The following ZNF236 variants were observed in gnomAD, a reference collection of about 807,000 sequenced individuals.
ZNF236 encodes the protein regulated by glucose.
In ZNF236, 50 loss-of-function variants were observed where a neutral mutation model predicts 191.2. That is an observed-to-expected ratio of 0.26 (90% CI 0.21 to 0.33). The LOEUF (loss-of-function observed/expected upper bound fraction) is 0.33, where lower values mean the gene tolerates loss of function less well. Ranked by LOEUF, ZNF236 falls within the 10% of genes least tolerant of loss-of-function variation. The pLI is 1.00. For missense variants in ZNF236, 1,754 were observed against 2,374.5 expected, an observed-to-expected ratio of 0.74 and a Z score of 5.43; for synonymous variants, 907 against 928.8, an observed-to-expected ratio of 0.98 and a Z score of 0.43.
At chr18:76,934,778 C>G (rs984446746) in intron 25 of ZNF236, among the ~76,000 whole-genome samples, 1 of 152,230 alleles carries the variant, frequency 6.6e-6, no homozygotes, top group African/African-American at 2.4e-5. Flanking sequence ...TGTTCTGCCG[C>G]CCCCACCTCC....
rs533259275 is a variant in ZNF236, at chr18:76,904,365, T to C, written c.1895-15T>C. 90 of 1,586,552 alleles carry C rather than the reference T, an allele frequency of 5.7e-5. No homozygotes were observed. In the South Asian group the frequency reaches 1.0e-3, roughly 19 times the overall value. On this transcript the variant is annotated splice_polypyrimidine_tract_variant and intron_variant, in intron 11 of 30. Coordinates refer to ENST00000320610, the MANE Select transcript of ZNF236 (RefSeq NM_001306089.2). ...ATTGACAGTGAATTACATCTGCTTTTCTTTTGCTTTGTAGGTCTCATCCAG... is the reference window on the plus strand; with the variant it reads ...ATTGACAGTGAATTACATCTGCTTTCCTTTTGCTTTGTAGGTCTCATCCAG...
At chr18:76,877,909 C>A in intron 6 of ZNF236, 100 bp from the exon 7 acceptor site, 1 of 962,926 alleles carries the variant, frequency 1.0e-6, no homozygotes, top group Non-Finnish European at 1.5e-6. Context: ...TTATTTCTGT[C>A]ATTTTGAATG....
chr18:76,960,566 A>G lies in ZNF236; in HGVS notation c.5243-113A>G. The G allele has an allele frequency of 1.5e-6, 2 of 1,352,990 alleles. No individual in the cohort carries two copies. Among genetic ancestry groups the G allele is most frequent in the South Asian group, 1.2e-5 (1 of 83,126 alleles). 83.8% of individuals were successfully genotyped at this position (1,352,990 alleles called of 1,614,324 possible). ...TTTGTTCAGATGACAGCCAGGCTGA[A>G]AGCCTAAAAGAAAAGAGGAACATTC... On this transcript the variant is annotated intron_variant, in intron 29 of 30. Transcript: ENST00000320610. This position sits in a 1 kb window ranked among gnomAD's most constrained non-coding sequence, Gnocchi z 4.4.
At chr18:76,935,940 C>G (rs548165683) in intron 25 of ZNF236, 11 of 456,088 alleles carry the variant, frequency 2.4e-5, no homozygotes, top group Non-Finnish European at 4.4e-5. Flanking sequence ...CTTCAGCGCT[C>G]GAGCCTCCCA....
In ZNF236 at chr18:76,971,551, A is replaced by G. The variant is rs1387055534; in HGVS notation, c.*3212A>G. Among the ~76,000 whole-genome samples, 3 of 152,224 alleles carry G rather than the reference A, an allele frequency of 2.0e-5. No homozygotes were observed. The highest frequency in any genetic ancestry group is 2.1e-4 in the South Asian group (1 of 4,828). Reference sequence around the variant, plus strand: ...TTAAGGAAACTTGATCTTTGAAATTATAGCTAGTGTTCTGTGTCTTCCTTT... The same window carrying G: ...TTAAGGAAACTTGATCTTTGAAATTGTAGCTAGTGTTCTGTGTCTTCCTTT... On this transcript the variant is annotated 3_prime_UTR_variant, in exon 31 of 31. Transcript: ENST00000320610.
At chr18:76,901,319 C>G (rs1447282618) in intron 11 of ZNF236, among the ~76,000 whole-genome samples, 1 of 152,180 alleles carries the variant, frequency 6.6e-6, no homozygotes, top group East Asian at 1.9e-4. Flanking sequence ...TGCAAATACT[C>G]TACAACTTTT....
At chr18:76,910,575 A>G (rs1967190698) in intron 15 of ZNF236, 85 bp from the exon 16 acceptor site, 1 of 1,373,602 alleles carries the variant, frequency 7.3e-7, no homozygotes, top group African/African-American at 1.5e-5. Context: ...CCCTTTAGAC[A>G]TTTTAAATTT....
chr18:76,900,247 C>T (rs576468263), intron 11 of ZNF236, among the ~76,000 whole-genome samples: 2 of 152,146 alleles, frequency 1.3e-5, no homozygotes, highest in South Asian at 4.1e-4. Context: ...AGATGATCAA[C>T]AGCCATAAAC....
At chr18:76,823,401 G>A (rs143075824) in intron 1 of ZNF236, among the ~76,000 whole-genome samples, 91 of 151,290 alleles carry the variant, frequency 6.0e-4, no homozygotes, top group Middle Eastern at 3.4e-3. Flanking sequence ...CTGGAACCCT[G>A]GGCATCTGGA....
intron 14 of ZNF236, among the ~76,000 whole-genome samples, chr18:76,909,039 T>C (rs1335674792): frequency 5.9e-5 from 9 of 151,524 alleles, no homozygotes; most frequent in Non-Finnish European, 2.9e-5. Flanking sequence ...CAAATAAGGC[T>C]GGGTGTGGTG....
Position 76,908,329 on chromosome 18 carries a change from T to C in ZNF236, c.2307T>C (p.Leu769=). 2 of 1,613,186 alleles carry C rather than the reference T, an allele frequency of 1.2e-6. No homozygotes were observed. Among genetic ancestry groups the C allele is most frequent in the Non-Finnish European group, 1.7e-6 (2 of 1,179,322 alleles). The change falls in exon 14 of 31, where the codon CTT becomes CTC. Residue 769 remains leucine (L), a synonymous_variant. Transcript: ENST00000320610. ...KKHMKTHRYE[L]AQQLQQHQQA... ...GTTAATTTTTCTGAAGATATGAGCT[T>C]GCCCAGCAGCTCCAACAGCATCAGC...
rs1315295400 is a variant in ZNF236, at chr18:76,925,726, T to C, written c.4027+172T>C. 6.6e-6 allele frequency among the ~76,000 whole-genome samples: 1 copy of C among 152,232 alleles called. No homozygotes were observed. The highest frequency in any genetic ancestry group is 1.5e-5 in the Non-Finnish European group (1 of 68,044). On this transcript the variant is annotated intron_variant, in intron 22 of 30. Transcript: ENST00000320610. This position sits in a 1 kb window ranked among gnomAD's most constrained non-coding sequence, Gnocchi z 5.7. ...AAATTGGAATTCCGTCTTGCAGACA[T>C]TGCTCCTTTCCATTTCGCATTCTGT...
At chr18:76,844,283 G>T (rs944033893) in intron 1 of ZNF236, among the ~76,000 whole-genome samples, 2 of 151,558 alleles carry the variant, frequency 1.3e-5, no homozygotes, top group Admixed American at 6.6e-5. Context: ...TGGTAGAGAT[G>T]ACCTAAAGCG....
chr18:76,868,136 C>T (rs1294135851), intron 3 of ZNF236, among the ~76,000 whole-genome samples: 1 of 152,024 alleles, frequency 6.6e-6, no homozygotes, highest in Non-Finnish European at 1.5e-5. Flanking sequence ...TGCAGTTACC[C>T]CACGCCTTGC....
In ZNF236 at chr18:76,971,193, A is replaced by G. The variant is rs1968903880; in HGVS notation, c.*2854A>G. Among the ~76,000 whole-genome samples the G allele has an allele frequency of 6.6e-6, 1 of 152,278 alleles. No homozygotes were observed. Among genetic ancestry groups the G allele is most frequent in the Non-Finnish European group, 1.5e-5 (1 of 68,054 alleles). On this transcript the variant is annotated 3_prime_UTR_variant, in exon 31 of 31. Coordinates refer to ENST00000320610, the MANE Select transcript of ZNF236 (RefSeq NM_001306089.2). ...GCATGTGTGGAGTCCCACCTGCTAG[A>G]TAATGCCCAAGCGGCTGCGTTTCCA...
chr18:76,845,153 G>C (rs1272178458), intron 1 of ZNF236, among the ~76,000 whole-genome samples: 1 of 152,146 alleles, frequency 6.6e-6, no homozygotes, highest in African/African-American at 2.4e-5. Context: ...GGCAAACAAA[G>C]CTGCTCATTT....
At chr18:76,955,665 A>G (rs1008443254) in intron 27 of ZNF236, among the ~76,000 whole-genome samples, 11 of 152,184 alleles carry the variant, frequency 7.2e-5, no homozygotes, top group Non-Finnish European at 7.4e-5. Context: ...GGACGCGACC[A>G]CGGACTGGTT....
At position 76,970,503 on chromosome 18, in the gene ZNF236, T is replaced by G. The variant is rs1968891138; in HGVS notation, c.*2164T>G. 1 of 152,670 alleles carries G rather than the reference T, an allele frequency of 6.6e-6. No individual in the cohort carries two copies. Among genetic ancestry groups the G allele is most frequent in the South Asian group, 2.1e-4 (1 of 4,838 alleles). 9.5% of individuals were successfully genotyped at this position (152,670 alleles called of 1,614,324 possible). A position where few individuals can be genotyped will look rare whatever the true frequency, so the allele number is the denominator to read the frequency against. On this transcript the variant is annotated 3_prime_UTR_variant, in exon 31 of 31. Transcript: ENST00000320610. The stretch of plus-strand genomic sequence containing the variant: ...ATAAAAGCTGCTTTTTTGCAGAACA[T>G]TCCTTGAAAATATAAGGTTTTGAAA...
chr18:76,940,098 A>G (rs1968099062), intron 26 of ZNF236, among the ~76,000 whole-genome samples: 1 of 141,194 alleles, frequency 7.1e-6, no homozygotes, highest in South Asian at 2.3e-4. Context: ...GGGCGACCCT[A>G]GCACTGCATT....
Sources: gnomAD v4.1 joint callset for allele counts (sites outside exome capture counted in the v4.1 genomes callset) on GRCh38, gnomAD v4.1.1 for gene constraint, Gnocchi (gnomAD v3.1) non-coding constraint, MANE v1.5 for transcripts, NCBI Gene and HGNC (gene_info 2026-07-23, HGNC 2026-07-21) for gene names.